The following EGLN1 variants were observed in gnomAD, a reference collection of about 807,000 sequenced individuals.
EGLN1 encodes the protein egl nine homolog 1.
EGLN1 carries 17 observed loss-of-function variants against 38.3 expected under a neutral mutation model. The observed-to-expected ratio is 0.44, with a 90% CI of 0.30 to 0.67. EGLN1 has a LOEUF of 0.67. Ranked by LOEUF, EGLN1 falls within the 30% of genes least tolerant of loss-of-function variation. The probability of loss-of-function intolerance (pLI) is 0.08; values close to 1 mark genes in which losing one functional copy is unlikely to be tolerated. For synonymous variants in EGLN1, 283 were observed against 257.5 expected (o/e 1.10, Z -0.95); for missense variants, 477 against 603.3 (o/e 0.79, Z 2.19).
Position 231,364,112 on chromosome 1 carries a change from A to G in EGLN1, c.*2299T>C, listed in dbSNP as rs956127803. 2 of 152,248 alleles carry G rather than the reference A, an allele frequency of 1.3e-5. No individual in the cohort carries two copies. The highest frequency in any genetic ancestry group is 4.8e-5 in the African/African-American group (2 of 41,460). 9.4% of individuals were successfully genotyped at this position (152,248 alleles called of 1,614,324 possible). ...CATCCTGATTTCTTGATCTTTTCAC[A>G]ATGATTCCTAAGAGAGTATATAAAC... On this transcript the variant is annotated 3_prime_UTR_variant, in exon 5 of 5. Transcript: ENST00000366641.
At chr1:231,369,464 G>A in intron 3 of EGLN1, 1 of 517,464 alleles carries the variant, frequency 1.9e-6, no homozygotes, top group Non-Finnish European at 2.5e-6. Flanking sequence ...GCAGGGGGCA[G>A]AGACAGCACT....
chr1:231,414,733 C>CTTT (rs71179779), intron 1 of EGLN1, among the ~76,000 whole-genome samples: 32,029 of 129,274 alleles, frequency 0.25, 4,619 homozygotes, highest in African/African-American at 0.29. Flanking sequence ...AATCCCAGCA[C>CTTT]TTTTTTTTTT....
chr1:231,403,498 C>T (rs1431942949), intron 1 of EGLN1, among the ~76,000 whole-genome samples: 3 of 151,982 alleles, frequency 2.0e-5, no homozygotes, highest in South Asian at 2.1e-4. Context: ...AGGCTGGGTG[C>T]AGTGGCTCAT....
chr1:231,416,957 C>T (rs904781809), intron 1 of EGLN1, among the ~76,000 whole-genome samples: 1 of 152,064 alleles, frequency 6.6e-6, no homozygotes, highest in African/African-American at 2.4e-5. Context: ...CCCAAGCATA[C>T]AAAGAGAATG....
intron 1 of EGLN1, among the ~76,000 whole-genome samples, chr1:231,399,681 A>G (rs2790877): frequency 0.55 from 82,812 of 151,894 alleles, 24,204 homozygotes; most frequent in Non-Finnish European, 0.65. Context: ...ATCATGACAT[A>G]AGTACTATTA....
rs1046548947 is a variant in EGLN1, at chr1:231,366,308, G to A, written c.*103C>T. On this transcript the variant is annotated 3_prime_UTR_variant, in exon 5 of 5. Transcript: ENST00000366641. ...TGTTTCTGTTTCCTTATTAAAATGC[G>A]AACTGGTTGTCTATTTTTCTTTATC... 26 of 1,312,478 alleles carry A rather than the reference G, an allele frequency of 2.0e-5. No homozygotes were observed. The highest frequency in any genetic ancestry group is 9.2e-5 in the East Asian group (4 of 43,292). The allele number at this position is 1,312,478 out of a possible 1,614,324, so 81.3% of individuals were successfully genotyped here. A position where few individuals can be genotyped will look rare whatever the true frequency, so the allele number is the denominator to read the frequency against.
At chr1:231,367,500 T>G in intron 4 of EGLN1, 69 bp downstream of exon 4, 1 of 1,471,756 alleles carries the variant, frequency 6.8e-7, no homozygotes, top group African/African-American at 1.4e-5. Flanking sequence ...ATGCTTGAGT[T>G]TCCTGAAAGC....
At chr1:231,369,661 T>C in intron 3 of EGLN1, 4 of 907,748 alleles carry the variant, frequency 4.4e-6, no homozygotes, top group Non-Finnish European at 4.0e-6. Flanking sequence ...GCACAGCTGA[T>C]AATCAAGTCG....
chr1:231,403,164 T>G (rs1187092095), intron 1 of EGLN1, among the ~76,000 whole-genome samples: 1 of 152,206 alleles, frequency 6.6e-6, no homozygotes. Context: ...TAGCACCTGT[T>G]GTACCTTGGT....
At chr1:231,392,288 A>AAAAATAAAAT (rs770431407) in intron 1 of EGLN1, among the ~76,000 whole-genome samples, 1 of 152,192 alleles carries the variant, frequency 6.6e-6, no homozygotes, top group Non-Finnish European at 1.5e-5. Flanking sequence ...CTCTGTCTCA[A>AAAAATAAAAT]AAAATAAAAT....
At chr1:231,415,535 G>T (rs1434545055) in intron 1 of EGLN1, among the ~76,000 whole-genome samples, 3 of 152,056 alleles carry the variant, frequency 2.0e-5, no homozygotes, top group African/African-American at 7.2e-5. Flanking sequence ...CCAGTTTATC[G>T]GAGGGGAATG....
chr1:231,391,139 AG>A (rs1260500670), intron 1 of EGLN1, among the ~76,000 whole-genome samples: 1 of 148,388 alleles, frequency 6.7e-6, no homozygotes, highest in Admixed American at 6.7e-5. Flanking sequence ...TGTGTGAGAC[AG>A]GGAACTCATT....
At chr1:231,407,868 G>T (rs1205913523) in intron 1 of EGLN1, among the ~76,000 whole-genome samples, 2 of 151,988 alleles carry the variant, frequency 1.3e-5, no homozygotes, top group Non-Finnish European at 2.9e-5. Context: ...AGCAAAGAAA[G>T]GCGAGTTTAC....
intron 2 of EGLN1, among the ~76,000 whole-genome samples, chr1:231,371,012 C>T (rs1346825765): frequency 6.6e-6 from 1 of 152,190 alleles, no homozygotes; most frequent in African/African-American, 2.4e-5. Context: ...GTCTCAGCAT[C>T]GCGAGTAGCT....
intron 1 of EGLN1, among the ~76,000 whole-genome samples, chr1:231,405,960 G>C (rs1426663807): frequency 2.7e-5 from 4 of 146,244 alleles, no homozygotes; most frequent in African/African-American, 1.0e-4. Context: ...TTTCATTTTA[G>C]TTAGTAAGCA....
At chr1:231,380,983 G>A (rs1398119134) in intron 1 of EGLN1, among the ~76,000 whole-genome samples, 2 of 152,118 alleles carry the variant, frequency 1.3e-5, no homozygotes, top group African/African-American at 4.8e-5. Context: ...GCAGTGGCGT[G>A]ATCATGGTTC....
chr1:231,380,464 GTA>G (rs1553351045), intron 1 of EGLN1, among the ~76,000 whole-genome samples: 1 of 151,350 alleles, frequency 6.6e-6, no homozygotes, highest in Non-Finnish European at 1.5e-5. Context: ...TAAATGATAG[GTA>G]TATATATATT....
chr1:231,418,421 G>A (rs1273398250), intron 1 of EGLN1, among the ~76,000 whole-genome samples: 4 of 152,142 alleles, frequency 2.6e-5, no homozygotes, highest in Non-Finnish European at 4.4e-5. Context: ...CCTATAACTA[G>A]CGTAGTTAAA....
At chr1:231,370,392 T>C (rs1391059832) in intron 3 of EGLN1, among the ~76,000 whole-genome samples, 170 bp downstream of exon 3, 1 of 152,198 alleles carries the variant, frequency 6.6e-6, no homozygotes, top group Middle Eastern at 3.2e-3. Flanking sequence ...ATATAATTAT[T>C]TGAATTCAGA....
Sources: gnomAD v4.1 joint callset for allele counts (sites outside exome capture counted in the v4.1 genomes callset) on GRCh38, gnomAD v4.1.1 for gene constraint, MANE v1.5 for transcripts, NCBI Gene and HGNC (gene_info 2026-07-23, HGNC 2026-07-21) for gene names.